TDO2: variants seen among roughly 807,000 people sequenced by gnomAD.
The protein encoded by TDO2 is tryptophan 2,3-dioxygenase, also known as tryptamin 2,3-dioxygenase.
In TDO2, 63 loss-of-function variants were observed where a neutral mutation model predicts 61.2. The observed-to-expected ratio is 1.03, with a 90% CI of 0.84 to 1.27. The LOEUF is 1.27. Among genes scored for constraint, TDO2 ranks in the 50% most tolerant of loss-of-function variants. TDO2 has a pLI of 0.00. For synonymous variants in TDO2, 183 were observed against 164.0 expected, an observed-to-expected ratio of 1.12 and a Z score of -0.89; for missense variants, 494 against 469.5, an observed-to-expected ratio of 1.05 and a Z score of -0.48.
At chr4:155,910,241 A>T in intron 6 of TDO2, 30 bp downstream of exon 6, 1 of 1,491,888 alleles carries the variant, frequency 6.7e-7, no homozygotes, top group Non-Finnish European at 8.9e-7. Flanking sequence ...ATAAAGTTTA[A>T]CTCAATACAT....
At chr4:155,907,988 G>A (rs767831756) in intron 4 of TDO2, among the ~76,000 whole-genome samples, 196 bp downstream of exon 4, 4 of 152,112 alleles carry the variant, frequency 2.6e-5, no homozygotes, top group Non-Finnish European at 5.9e-5. Flanking sequence ...TGACTTTAAG[G>A]TTCCTTTCAA....
At chr4:155,919,798 G>A (rs777610457) in intron 11 of TDO2, 39 bp from the exon 12 acceptor site, 5 of 1,537,236 alleles carry the variant, frequency 3.3e-6, no homozygotes, top group Middle Eastern at 1.8e-4. Flanking sequence ...AATATTTCAT[G>A]TCAACCAATG....
chr4:155,910,883 G>A, intron 6 of TDO2, among the ~76,000 whole-genome samples: 1 of 151,992 alleles, frequency 6.6e-6, no homozygotes, highest in East Asian at 1.9e-4. Flanking sequence ...TGGCAGATAA[G>A]AATAGGGAGA....
chr4:155,916,840 G>T (rs1321345382), intron 9 of TDO2, among the ~76,000 whole-genome samples: 1 of 152,006 alleles, frequency 6.6e-6, no homozygotes, highest in Non-Finnish European at 1.5e-5. Flanking sequence ...TCTTCAAAAT[G>T]GCAACATAAA....
In TDO2 at chr4:155,911,557, G is replaced by GA. The variant is rs1291985502; in HGVS notation, c.686dup (p.Asn229LysfsTer16). 2.5e-6 allele frequency: 4 copies of GA among 1,595,936 alleles called. No individual in the cohort carries two copies. The highest frequency in any genetic ancestry group is 1.3e-5 in the African/African-American group (1 of 74,200). Reference sequence around the variant, plus strand: ...TGGATTTAACTTCTGGGGAAAGCTTGAAAAAAATATCACCAGAGGCCTGGA... The same window carrying GA: ...TGGATTTAACTTCTGGGGAAAGCTTGAAAAAAAATATCACCAGAGGCCTGGA... On this transcript the variant is annotated frameshift_variant, in exon 7 of 12. Transcript: ENST00000536354. LOFTEE classifies it high-confidence loss of function.
chr4:155,915,897 T>C lies in TDO2; in HGVS notation c.881T>C (p.Met294Thr), dbSNP rs758815488. The C allele has an allele frequency of 6.2e-7, 1 of 1,610,292 alleles. No individual in the cohort carries two copies. Among genetic ancestry groups the C allele is most frequent in the Non-Finnish European group, 8.5e-7 (1 of 1,178,680 alleles). The change falls in exon 9 of 12, where the codon ATG becomes ACG. Residue 294 changes from methionine to threonine, a missense_variant. Coordinates refer to ENST00000536354, the MANE Select transcript of TDO2 (RefSeq NM_005651.4). Reference sequence around the variant, plus strand: ...TACAGAGCACTTCAGGGAGCATTGATGATATATTTTTACAGGTAAAGCAAA... The same window carrying C: ...TACAGAGCACTTCAGGGAGCATTGACGATATATTTTTACAGGTAAAGCAAA... ...LSYRALQGAL[M>T]IYFYREEPRF...
intron 10 of TDO2, among the ~76,000 whole-genome samples, 197 bp from the exon 11 acceptor site, chr4:155,917,952 A>T (rs926805786): frequency 3.3e-5 from 5 of 152,160 alleles, no homozygotes; most frequent in Non-Finnish European, 7.3e-5. Context: ...AGTGAAATGC[A>T]TGTAGCCTGA....
rs374938550 is a variant in TDO2 at position 155,910,135 on chromosome 4, G to T, written c.542G>T (p.Arg181Leu). 26 of 1,598,122 alleles carry T rather than the reference G, an allele frequency of 1.6e-5. No individual in the cohort carries two copies. The highest frequency in any genetic ancestry group is 1.1e-4 in the Admixed American group (6 of 56,458). Residue 181 changes from arginine to leucine, a missense_variant, in exon 6 of 12, where the codon CGT becomes CTT. Arg to Leu is a moderately radical substitution (Grantham distance 102, BLOSUM62 -2). Transcript: ENST00000536354. Reference sequence around the variant, plus strand: ...GTCCCTTATAACAGAAGACATTATCGTGATAACTTCAAAGGAGAAGAAAAT... The same window carrying T: ...GTCCCTTATAACAGAAGACATTATCTTGATAACTTCAAAGGAGAAGAAAAT... ...MRVPYNRRHY[R>L]DNFKGEENEL...
rs567103331 is a variant in TDO2 at position 155,911,623 on chromosome 4, T to A, written c.726+19T>A. On this transcript the variant is annotated intron_variant, in intron 7 of 11. Transcript: ENST00000536354. ...GATTCAGGTATTTAGATGACATGAGTTAATATAAATTCAATACAGAAATAT... is the reference window on the plus strand; with the variant it reads ...GATTCAGGTATTTAGATGACATGAGATAATATAAATTCAATACAGAAATAT... The A allele has an allele frequency of 6.9e-7, 1 of 1,440,040 alleles. No individual in the cohort carries two copies. The highest frequency in any genetic ancestry group is 1.4e-5 in the South Asian group (1 of 71,400). 89.2% of individuals were successfully genotyped at this position (1,440,040 alleles called of 1,614,324 possible).
intron 7 of TDO2, among the ~76,000 whole-genome samples, chr4:155,913,434 T>G (rs1731100810): frequency 6.6e-6 from 1 of 152,252 alleles, no homozygotes; most frequent in East Asian, 1.9e-4. Flanking sequence ...CTTCCCACTC[T>G]GAAGATCTTG....
At chr4:155,919,742 A>C in intron 11 of TDO2, 95 bp from the exon 12 acceptor site, 1 of 1,071,336 alleles carries the variant, frequency 9.3e-7, no homozygotes, top group Non-Finnish European at 1.3e-6. Flanking sequence ...TTGAATACTA[A>C]CTATGGAAAA....
At chr4:155,912,317 A>G (rs74561716) in intron 7 of TDO2, among the ~76,000 whole-genome samples, 2,420 of 152,242 alleles carry the variant, frequency 0.016, 62 homozygotes, top group African/African-American at 0.054. Flanking sequence ...AATTAAATAA[A>G]TACTTGTAAA....
At chr4:155,917,893 A>G (rs1443011013) in intron 10 of TDO2, among the ~76,000 whole-genome samples, 1 of 152,112 alleles carries the variant, frequency 6.6e-6, no homozygotes, top group Admixed American at 6.6e-5. Flanking sequence ...TCATATTATG[A>G]TCCTGGTCTC....
intron 2 of TDO2, among the ~76,000 whole-genome samples, 187 bp downstream of exon 2, chr4:155,904,310 T>G (rs1742679897): frequency 6.6e-6 from 1 of 152,208 alleles, no homozygotes; most frequent in Non-Finnish European, 1.5e-5. Context: ...AAGAGACTTA[T>G]AGGATAAAAT....
intron 9 of TDO2, 52 bp from the exon 10 acceptor site, chr4:155,917,343 C>T: frequency 6.8e-7 from 1 of 1,479,888 alleles, no homozygotes; most frequent in East Asian, 2.3e-5. Context: ...CTCCTCCTAA[C>T]ACACTCGATT....
chr4:155,906,526 TTCCTGTGTCA>T (rs1742722063), intron 3 of TDO2: 1 of 152,144 alleles, frequency 6.6e-6, no homozygotes, highest in Non-Finnish European at 1.5e-5. Flanking sequence ...GATTATTGAC[TTCCTGTGTCA>T]TCTAATTATT....
chr4:155,917,807 A>G (rs13128538), intron 10 of TDO2, among the ~76,000 whole-genome samples: 3,366 of 152,292 alleles, frequency 0.022, 48 homozygotes, highest in Middle Eastern at 0.034. Context: ...GCAGTTTTAA[A>G]TTTTTAATTT....
intron 10 of TDO2, 21 bp downstream of exon 10, chr4:155,917,495 C>T: frequency 1.9e-6 from 3 of 1,585,718 alleles, no homozygotes; most frequent in East Asian, 4.6e-5. Flanking sequence ...CCCACTCACC[C>T]CATGTTGCTT....
At chr4:155,918,829 G>C (rs1027320093) in intron 11 of TDO2, 1 of 152,178 alleles carries the variant, frequency 6.6e-6, no homozygotes, top group Non-Finnish European at 1.5e-5. Flanking sequence ...GATACATCGG[G>C]AAACTGAAAA....
Sources: allele counts gnomAD v4.1 joint callset (sites outside exome capture counted in the v4.1 genomes callset), GRCh38; gene constraint gnomAD v4.1.1; transcripts MANE v1.5; gene names NCBI Gene and HGNC (gene_info 2026-07-23, HGNC 2026-07-21).